Variants in ESR1 observed in about 807,000 individuals in gnomAD.
The protein encoded by ESR1 is estrogen receptor 1.
In ESR1, 12 loss-of-function variants were observed where a neutral mutation model predicts 52.7. The ratio of observed to expected loss-of-function variants is 0.23; its 90% CI spans 0.15 to 0.37. The LOEUF (loss-of-function observed/expected upper bound fraction) is 0.37. ESR1 is among the 10% of genes least tolerant of loss of function. ESR1 has a pLI of 1.00. For missense variants in ESR1, 584 were observed against 779.7 expected (o/e 0.75, Z 2.99); for synonymous variants, 305 against 316.8 (o/e 0.96, Z 0.39).
intron 1 of ESR1, among the ~76,000 whole-genome samples, chr6:151,701,211 G>GT (rs34710279): frequency 0.42 from 61,534 of 144,934 alleles, 13,261 homozygotes; most frequent in African/African-American, 0.53. Flanking sequence ...TGGGCTGGGA[G>GT]TTTTTTTTTT....
chr6:151,686,656 C>A (rs541120532), upstream of ESR1, among the ~76,000 whole-genome samples: 1 of 152,172 alleles, frequency 6.6e-6, no homozygotes, highest in East Asian at 1.9e-4. Flanking sequence ...CCACTGCACT[C>A]CAGCCTGGGT....
At chr6:151,946,923 C>CTA (rs1490713171) in intron 4 of ESR1, among the ~76,000 whole-genome samples, 1 of 152,172 alleles carries the variant, frequency 6.6e-6, no homozygotes, top group Non-Finnish European at 1.5e-5. Context: ...CAAATACCAT[C>CTA]TGTTATTTAA....
intron 2 of ESR1, among the ~76,000 whole-genome samples, chr6:151,741,061 G>A (rs1357607045): frequency 1.3e-5 from 2 of 152,280 alleles, no homozygotes; most frequent in Admixed American, 6.5e-5. Context: ...AAATGCTTCC[G>A]CTTCTTACTG....
chr6:151,995,757 T>C (rs1231283530), intron 4 of ESR1, among the ~76,000 whole-genome samples: 1 of 152,158 alleles, frequency 6.6e-6, no homozygotes, highest in Non-Finnish European at 1.5e-5. Flanking sequence ...TGAATCACCT[T>C]GAATCACAAT....
At chr6:152,125,295 A>G (rs1188779509) in exon 7 of ESR1, 2 of 1,550,360 alleles carry the variant, frequency 1.3e-6, no homozygotes, top group Non-Finnish European at 1.7e-6. Flanking sequence ...AAAGAAGAGA[A>G]TCCTGAACTT....
intron 2 of ESR1, among the ~76,000 whole-genome samples, chr6:151,726,138 G>A (rs571421100): frequency 5.3e-5 from 8 of 152,104 alleles, no homozygotes; most frequent in African/African-American, 1.2e-4. Context: ...GTAAGAAGCC[G>A]AAACCAATTC....
At chr6:152,052,388 C>G (rs2046760111) in intron 5 of ESR1, among the ~76,000 whole-genome samples, 1 of 152,120 alleles carries the variant, frequency 6.6e-6, no homozygotes, top group Non-Finnish European at 1.5e-5. Context: ...TGATATAAGG[C>G]AGGGGTGGGC....
intron 4 of ESR1, among the ~76,000 whole-genome samples, chr6:152,008,937 C>T (rs1274724819): frequency 6.6e-6 from 1 of 151,972 alleles, no homozygotes; most frequent in Non-Finnish European, 1.5e-5. Flanking sequence ...AAGTACTGAT[C>T]ACTTAAACCA....
intron 5 of ESR1, among the ~76,000 whole-genome samples, chr6:152,036,541 A>G (rs2045321376): frequency 6.6e-6 from 1 of 152,174 alleles, no homozygotes; most frequent in African/African-American, 2.4e-5. Flanking sequence ...CACCACTCAT[A>G]ATGGCATTCC....
At chr6:151,890,616 A>G (rs1794573893) in intron 3 of ESR1, among the ~76,000 whole-genome samples, 1 of 152,182 alleles carries the variant, frequency 6.6e-6, no homozygotes, top group Non-Finnish European at 1.5e-5. Context: ...ATTACAGTCT[A>G]TCTTCCCTTT....
intron 4 of ESR1, among the ~76,000 whole-genome samples, chr6:151,992,644 T>A (rs989997748): frequency 6.6e-6 from 1 of 152,026 alleles, no homozygotes; most frequent in African/African-American, 2.4e-5. Flanking sequence ...GAAGATGAGG[T>A]TGGCAAGGTG....
intron 2 of ESR1, among the ~76,000 whole-genome samples, chr6:151,792,995 C>A (rs1388361614): frequency 1.3e-5 from 2 of 151,738 alleles, no homozygotes; most frequent in African/African-American, 4.8e-5. Flanking sequence ...ACGGTGAAAC[C>A]CTGTCTCTAC....
At chr6:151,901,586 G>T (rs962932873) in intron 3 of ESR1, among the ~76,000 whole-genome samples, 2 of 152,170 alleles carry the variant, frequency 1.3e-5, no homozygotes, top group East Asian at 3.8e-4. Flanking sequence ...GGCTTATTAG[G>T]GGACCCAGAG....
chr6:152,094,355 C>A lies in ESR1; in HGVS notation c.1370-30C>A. The stretch of plus-strand genomic sequence containing the variant: ...CCTAGACCTCATCCTCTTTGAGCTT[C>A]TCTCTCTCACTCTCTCTCTGCGCAT... On this transcript the variant is annotated intron_variant, in intron 6 of 7. Coordinates refer to ENST00000206249, the MANE Select transcript of ESR1 (RefSeq NM_000125.4). The surrounding 1 kb of genome is among the most constrained non-coding windows in gnomAD (Gnocchi z 4.6). 2 of 1,602,086 alleles carry A rather than the reference C, an allele frequency of 1.2e-6. No individual in the cohort carries two copies. Among genetic ancestry groups the A allele is most frequent in the South Asian group, 1.1e-5 (1 of 90,798 alleles).
At chr6:151,675,387 C>T (rs1224287471) in intron 1 of ESR1, among the ~76,000 whole-genome samples, 1 of 151,904 alleles carries the variant, frequency 6.6e-6, no homozygotes, top group Non-Finnish European at 1.5e-5. Context: ...TCAGTGGTCT[C>T]GGATGCTGGA....
chr6:151,807,295 G>GA (rs1156428692), upstream of ESR1: 1 of 180,352 alleles, frequency 5.5e-6, no homozygotes, highest in Non-Finnish European at 1.2e-5. Flanking sequence ...AGCCAACGAG[G>GA]AGGGGGAATC....
At position 152,115,316 on chromosome 6, in the gene ESR1, ATCC is replaced by A. The variant is rs556564430; in HGVS notation, c.851-9945_851-9943del. ...GGTATGCACTATAATTAATTCAACA[ATCC>A]TCCTGCTGATGAACATCTAGGTTGC... is the stretch of plus-strand genomic sequence containing the variant. On this transcript the variant is annotated intron_variant, in intron 6 of 6. Coordinates refer to the ESR1 transcript ENST00000427531. Among the ~76,000 whole-genome samples the A allele has an allele frequency of 5.3e-4, 81 of 152,302 alleles. 1 individual carries two copies. In the South Asian group the frequency reaches 6.2e-3, roughly 12 times the overall value.
At chr6:152,088,667 C>A (rs947225451) in intron 6 of ESR1, among the ~76,000 whole-genome samples, 1 of 152,202 alleles carries the variant, frequency 6.6e-6, no homozygotes, top group African/African-American at 2.4e-5. Context: ...TGTGAGCCAT[C>A]TCGGGACCCC....
intron 4 of ESR1, among the ~76,000 whole-genome samples, chr6:151,956,582 A>G (rs1023518214): frequency 6.6e-6 from 1 of 152,208 alleles, no homozygotes; most frequent in African/African-American, 2.4e-5. Flanking sequence ...GCACTGAGGT[A>G]GAGAAAGGTT....
Sources: allele counts gnomAD v4.1 joint callset (sites outside exome capture counted in the v4.1 genomes callset), GRCh38; gene constraint gnomAD v4.1.1; non-coding constraint Gnocchi (gnomAD v3.1); transcripts MANE v1.5; gene names NCBI Gene and HGNC (gene_info 2026-07-23, HGNC 2026-07-21).